The following NCALD variants were observed in gnomAD, a reference collection of about 807,000 sequenced individuals.
NCALD encodes the protein neurocalcin-delta.
In NCALD, 10 loss-of-function variants were observed where a neutral mutation model predicts 18.6. The ratio of observed to expected loss-of-function variants is 0.54; its 90% CI spans 0.33 to 0.91. The LOEUF is 0.91. Ranked by LOEUF, NCALD falls within the 40% of genes least tolerant of loss-of-function variation. The pLI is 0.03. For missense variants in NCALD, 184 were observed against 247.6 expected (o/e 0.74, Z 1.72); for synonymous variants, 88 against 87.4 (o/e 1.01, Z -0.04).
At chr8:101,755,287 T>C (rs1425703486) in intron 1 of NCALD, among the ~76,000 whole-genome samples, 1 of 152,212 alleles carries the variant, frequency 6.6e-6, no homozygotes, top group Non-Finnish European at 1.5e-5. Flanking sequence ...CTGCCCCAAC[T>C]TCAGTATTAG....
chr8:101,898,646 GTTTTA>G (rs1177515220), intron 3 of NCALD, among the ~76,000 whole-genome samples: 1 of 152,006 alleles, frequency 6.6e-6, no homozygotes, highest in Non-Finnish European at 1.5e-5. Flanking sequence ...CTAGTTTTAT[GTTTTA>G]TTTTAAGTGT....
At chr8:101,709,775 G>A (rs1429491196) in intron 2 of NCALD, among the ~76,000 whole-genome samples, 1 of 152,220 alleles carries the variant, frequency 6.6e-6, no homozygotes, top group South Asian at 2.1e-4. Context: ...CAGGAACTAC[G>A]TTGGGCAGGA....
intron 4 of NCALD, among the ~76,000 whole-genome samples, chr8:101,862,732 A>C (rs1443282984): frequency 6.6e-6 from 1 of 152,154 alleles, no homozygotes; most frequent in Non-Finnish European, 1.5e-5. Flanking sequence ...TCCCTCCTTC[A>C]TTTGGGGAAG....
At chr8:102,118,446 G>T (rs908348783) in intron 1 of NCALD, among the ~76,000 whole-genome samples, 2 of 152,156 alleles carry the variant, frequency 1.3e-5, no homozygotes, top group Admixed American at 6.5e-5. Context: ...CAGTTCATCC[G>T]CCTCCTTATG....
chr8:101,929,887 A>G (rs1163541373), intron 2 of NCALD, among the ~76,000 whole-genome samples: 1 of 151,996 alleles, frequency 6.6e-6, no homozygotes, highest in African/African-American at 2.4e-5. Context: ...CTCTACTAAA[A>G]ATACAAAAAT....
intron 2 of NCALD, among the ~76,000 whole-genome samples, chr8:101,970,348 T>C (rs907865535): frequency 1.4e-4 from 21 of 152,356 alleles, no homozygotes; most frequent in African/African-American, 5.1e-4. Flanking sequence ...AATTGCATTG[T>C]GTATTATTGC....
intron 2 of NCALD, among the ~76,000 whole-genome samples, chr8:101,945,543 G>A: frequency 6.6e-6 from 1 of 152,198 alleles, no homozygotes; most frequent in East Asian, 1.9e-4. Flanking sequence ...CCATCTTATG[G>A]ATGAAGAGAT....
intron 2 of NCALD, among the ~76,000 whole-genome samples, chr8:101,998,996 C>A (rs1222333775): frequency 6.8e-6 from 1 of 147,916 alleles, no homozygotes; most frequent in East Asian, 2.0e-4. Context: ...CAAATTACAG[C>A]TAATATTCCT....
chr8:101,845,129 A>G (rs916234132), intron 4 of NCALD, among the ~76,000 whole-genome samples: 1 of 152,248 alleles, frequency 6.6e-6, no homozygotes, highest in South Asian at 2.1e-4. Flanking sequence ...TGCCACTCGA[A>G]GGAGTCAGTC....
chr8:101,842,745 C>T (rs970844453), intron 4 of NCALD, among the ~76,000 whole-genome samples: 11 of 152,206 alleles, frequency 7.2e-5, no homozygotes, highest in African/African-American at 2.4e-4. Context: ...GGGCATGTGG[C>T]CAGCCCCAGC....
chr8:101,909,068 T>A (rs1476234455), intron 3 of NCALD, among the ~76,000 whole-genome samples: 2 of 152,202 alleles, frequency 1.3e-5, no homozygotes, highest in Non-Finnish European at 2.9e-5. Context: ...GTGATCTTTT[T>A]CAAGGTGGTC....
chr8:101,983,286 T>A (rs1820690213), intron 2 of NCALD, among the ~76,000 whole-genome samples: 1 of 152,196 alleles, frequency 6.6e-6, no homozygotes, highest in Non-Finnish European at 1.5e-5. Context: ...GCCGAGGGCT[T>A]ATTTTCTGTT....
At chr8:101,845,289 G>T (rs763903559) in intron 4 of NCALD, among the ~76,000 whole-genome samples, 2 of 152,156 alleles carry the variant, frequency 1.3e-5, no homozygotes. Flanking sequence ...CAGTAACAAA[G>T]AGTTCTCAGG....
intron 1 of NCALD, among the ~76,000 whole-genome samples, chr8:102,114,579 C>T (rs150523637): frequency 3.8e-4 from 58 of 152,126 alleles, no homozygotes; most frequent in Non-Finnish European, 6.9e-4. Flanking sequence ...AAGAGGGTGG[C>T]GATATGGAGA....
intron 4 of NCALD, among the ~76,000 whole-genome samples, chr8:101,805,098 CATATAT>C (rs1813050814): frequency 6.6e-6 from 1 of 152,054 alleles, no homozygotes; most frequent in African/African-American, 2.4e-5. Flanking sequence ...TTTTTAAAAT[CATATAT>C]ATAAAGTCCC....
intron 1 of NCALD, among the ~76,000 whole-genome samples, chr8:102,089,360 C>G (rs1824848900): frequency 6.6e-6 from 1 of 150,846 alleles, no homozygotes; most frequent in East Asian, 1.9e-4. Context: ...CGCCACTGCA[C>G]TCCAGCCTGG....
chr8:102,062,440 TG>T (rs1201707665), intron 1 of NCALD, among the ~76,000 whole-genome samples: 2 of 152,226 alleles, frequency 1.3e-5, no homozygotes, highest in Non-Finnish European at 2.9e-5. Flanking sequence ...GGCTGAGACT[TG>T]GTCTTTGTTG....
rs374912765 is a variant in NCALD at position 101,922,366 on chromosome 8, TTCTG to T, written c.-156-6512_-156-6509del. Among the ~76,000 whole-genome samples the T allele has an allele frequency of 4.7e-3, 720 of 152,244 alleles. 5 individuals carry two copies. The highest frequency in any genetic ancestry group is 0.017 in the African/African-American group (696 of 41,532). On this transcript the variant is annotated intron_variant, in intron 2 of 6. Coordinates refer to the NCALD transcript ENST00000311028. The stretch of plus-strand genomic sequence containing the variant: ...CTGGGTGAGACCAAGAGAAGAAGAA[TTCTG>T]TCTATTTTCTACATTATTGGACACG...
chr8:102,109,188 T>C (rs1056534700), intron 1 of NCALD, among the ~76,000 whole-genome samples: 5 of 152,032 alleles, frequency 3.3e-5, no homozygotes, highest in Admixed American at 6.6e-5. Context: ...AATTCTTCCC[T>C]CCCTTAGAAA....
Sources: allele counts gnomAD v4.1 joint callset (sites outside exome capture counted in the v4.1 genomes callset), GRCh38; gene constraint gnomAD v4.1.1; transcripts MANE v1.5; gene names NCBI Gene and HGNC (gene_info 2026-07-23, HGNC 2026-07-21).